COTL1: variants seen among roughly 807,000 people sequenced by gnomAD.
The protein encoded by COTL1 is coactosin like F-actin binding protein 1.
A neutral mutation model predicts 16.5 loss-of-function variants in COTL1; 15 were observed. The observed-to-expected ratio is 0.91, with a 90% CI of 0.61 to 1.40. The LOEUF is 1.40. Ranked by LOEUF, COTL1 falls within the 40% of genes most tolerant of loss-of-function variation. The pLI is 0.00. For synonymous variants in COTL1, 112 were observed against 85.3 expected (o/e 1.31, Z -1.73); for missense variants, 220 against 201.5 (o/e 1.09, Z -0.56).
Position 84,610,251 on chromosome 16 carries a change from T to C in COTL1, c.160+7250A>G, listed in dbSNP as rs1428905753. Among the ~76,000 whole-genome samples, 7 of 152,204 alleles carry C rather than the reference T, an allele frequency of 4.6e-5. 1 individual carries two copies. The highest frequency in any genetic ancestry group is 6.3e-3 in the Middle Eastern group (2 of 316). ...CTGGAGACTATGGCCAGGACTCTTTTAGATGGAAACTAAATCCAGAACCCA... is the reference window on the plus strand; with the variant it reads ...CTGGAGACTATGGCCAGGACTCTTTCAGATGGAAACTAAATCCAGAACCCA... On this transcript the variant is annotated intron_variant, in intron 2 of 3. Coordinates refer to ENST00000262428, the MANE Select transcript of COTL1 (RefSeq NM_021149.5).
chr16:84,587,195 A>G (rs936610462), intron 3 of COTL1, among the ~76,000 whole-genome samples: 1 of 152,212 alleles, frequency 6.6e-6, no homozygotes. Context: ...TTTCCAAAAC[A>G]AGGGCTCCCA....
At chr16:84,568,126 T>C (rs562909297) in intron 3 of COTL1, 178 of 152,330 alleles carry the variant, frequency 1.2e-3, no homozygotes, top group Non-Finnish European at 2.3e-3. Flanking sequence ...GCCTCCCAAG[T>C]AGCTCGAACT....
At position 84,589,070 on chromosome 16, in the gene COTL1, C is replaced by A. The variant is rs551958619; in HGVS notation, c.318+1035G>T. ...ACTGCACCCTTGACCTCCTGGTTTC[C>A]AGCGAACCTCCCGCCTCAGCCTCCC... On this transcript the variant is annotated intron_variant, in intron 3 of 3. Transcript: ENST00000262428. Among the ~76,000 whole-genome samples, 3 of 151,602 alleles carry A rather than the reference C, an allele frequency of 2.0e-5. No homozygotes were observed. In the East Asian group the frequency reaches 5.9e-4, roughly 30 times the overall value.
intron 2 of COTL1, among the ~76,000 whole-genome samples, chr16:84,613,259 C>G (rs1027442937): frequency 2.0e-5 from 3 of 152,138 alleles, no homozygotes; most frequent in African/African-American, 7.2e-5. Flanking sequence ...CTTGGCCTCC[C>G]AAAGTGCCGG....
At chr16:84,610,627 A>G (rs900107422) in intron 2 of COTL1, among the ~76,000 whole-genome samples, 3 of 152,208 alleles carry the variant, frequency 2.0e-5, no homozygotes, top group African/African-American at 7.2e-5. Flanking sequence ...CTCTGATTGG[A>G]CAGGTCTGGG....
At chr16:84,582,783 T>C (rs1473442610) in intron 3 of COTL1, among the ~76,000 whole-genome samples, 1 of 152,186 alleles carries the variant, frequency 6.6e-6, no homozygotes. Context: ...ATTCTCTTTT[T>C]CCTAAGTGAA....
In COTL1 at chr16:84,567,205, C is replaced by T. The variant is rs181786991; in HGVS notation, c.319-250G>A. The stretch of plus-strand genomic sequence containing the variant: ...GGGCAGATCTGATGCTGCGTCTTCC[C>T]ATGTCCGTGGGGATGGCCCGAGGAA... On this transcript the variant is annotated intron_variant, in intron 3 of 3. Coordinates refer to ENST00000262428, the MANE Select transcript of COTL1 (RefSeq NM_021149.5). 4 of 412,276 alleles carry T rather than the reference C, an allele frequency of 9.7e-6. No individual in the cohort carries two copies. In the Admixed American group the frequency reaches 1.6e-4, roughly 16 times the overall value. 25.5% of individuals were successfully genotyped at this position (412,276 alleles called of 1,614,324 possible). A position where few individuals can be genotyped will look rare whatever the true frequency, so the allele number is the denominator to read the frequency against.
chr16:84,582,344 A>G (rs1904619040), intron 3 of COTL1, among the ~76,000 whole-genome samples: 2 of 150,956 alleles, frequency 1.3e-5, no homozygotes, highest in African/African-American at 2.4e-5. Context: ...CAGTCTCACA[A>G]TGTTGCCCAG....
At chr16:84,606,013 A>G (rs976969608) in intron 2 of COTL1, among the ~76,000 whole-genome samples, 4 of 152,248 alleles carry the variant, frequency 2.6e-5, no homozygotes, top group African/African-American at 9.6e-5. Context: ...GTGCATGAAG[A>G]AAAGCGTGAT....
chr16:84,590,252 C>G lies in COTL1; in HGVS notation c.171G>C (p.Arg57=). The G allele has an allele frequency of 6.2e-7, 1 of 1,613,998 alleles. No homozygotes were observed. Among genetic ancestry groups the G allele is most frequent in the Non-Finnish European group, 8.5e-7 (1 of 1,179,872 alleles). ...TGGTGAAGCGCACGAAGGCAAACAA[C>G]CGGACGTCATCTGTGGCCAAAAGCG... ...HFIQQCTDDV[R]LFAFVRFTTG... Residue 57 remains arginine, a synonymous_variant, in exon 3 of 4, where the codon CGG becomes CGC. Coordinates refer to ENST00000262428, the MANE Select transcript of COTL1 (RefSeq NM_021149.5). The surrounding 1 kb of genome is among the most constrained non-coding windows in gnomAD (Gnocchi z 5.5).
At chr16:84,601,395 G>A (rs965664908) in intron 2 of COTL1, among the ~76,000 whole-genome samples, 20 of 152,210 alleles carry the variant, frequency 1.3e-4, no homozygotes, top group African/African-American at 4.1e-4. Flanking sequence ...AAGGAAATCC[G>A]CTCTGCCTGG....
At chr16:84,607,491 G>C (rs918630967) in intron 2 of COTL1, among the ~76,000 whole-genome samples, 5 of 152,168 alleles carry the variant, frequency 3.3e-5, no homozygotes, top group African/African-American at 1.2e-4. Flanking sequence ...ATTTCTACTT[G>C]TGGGTGTCAC....
rs71390483 is a variant in COTL1, at chr16:84,618,050, A to G, written c.-136T>C. ...GTGGCGACGGCTACGCGGCGCCTGC[A>G]AGCTGCGAGCGCGGCGGCGGCTTCC... is the stretch of plus-strand genomic sequence containing the variant. On this transcript the variant is annotated 5_prime_UTR_variant, in exon 1 of 4. Transcript: ENST00000262428. The G allele has an allele frequency of 1, 293,488 of 293,540 alleles. 146,718 individuals are homozygous for G. Among genetic ancestry groups the G allele is most frequent in the Middle Eastern group, 1 (670 of 670 alleles). The allele number at this position is 293,540 out of a possible 1,614,324, so 18.2% of individuals were successfully genotyped here.
At chr16:84,607,976 A>C (rs1424750751) in intron 2 of COTL1, among the ~76,000 whole-genome samples, 1 of 152,224 alleles carries the variant, frequency 6.6e-6, no homozygotes, top group Non-Finnish European at 1.5e-5. Context: ...AAGGAGAACT[A>C]GGCAAGTCTA....
chr16:84,609,076 A>C (rs910512942), intron 2 of COTL1, among the ~76,000 whole-genome samples: 10 of 152,150 alleles, frequency 6.6e-5, no homozygotes, highest in African/African-American at 2.2e-4. Flanking sequence ...AGACCTTAGG[A>C]AAGAAAGCAA....
chr16:84,590,367 C>T lies in COTL1; in HGVS notation c.161-105G>A. 1 of 1,372,472 alleles carries T rather than the reference C, an allele frequency of 7.3e-7. No homozygotes were observed. The highest frequency in any genetic ancestry group is 1.3e-5 in the South Asian group (1 of 74,886). The allele number at this position is 1,372,472 out of a possible 1,614,324, so 85.0% of individuals were successfully genotyped here. A position where few individuals can be genotyped will look rare whatever the true frequency, so the allele number is the denominator to read the frequency against. Reference sequence around the variant, plus strand: ...CACGAGTGCGCCTGGAGCAGCACAGCAGGAGACCGGTGCAGTTCCCTGGGA... The same window carrying T: ...CACGAGTGCGCCTGGAGCAGCACAGTAGGAGACCGGTGCAGTTCCCTGGGA... On this transcript the variant is annotated intron_variant, in intron 2 of 3. Transcript: ENST00000262428. The surrounding 1 kb of genome is among the most constrained non-coding windows in gnomAD (Gnocchi z 5.5).
chr16:84,604,039 C>T (rs1220265002), intron 2 of COTL1, among the ~76,000 whole-genome samples: 2 of 134,128 alleles, frequency 1.5e-5, no homozygotes, highest in Admixed American at 7.6e-5. Flanking sequence ...CCCGCAACTC[C>T]CCTCTCCCTC....
intron 3 of COTL1, among the ~76,000 whole-genome samples, chr16:84,571,499 G>A (rs934381026): frequency 6.6e-6 from 1 of 152,112 alleles, no homozygotes; most frequent in African/African-American, 2.4e-5. Context: ...TTGCACCTGG[G>A]TCCGCTCATC....
intron 3 of COTL1, among the ~76,000 whole-genome samples, chr16:84,569,542 T>C (rs1294387118): frequency 6.6e-6 from 1 of 152,140 alleles, no homozygotes; most frequent in Non-Finnish European, 1.5e-5. Flanking sequence ...AAGCAGCTGA[T>C]GTGTGCCAGG....
Sources: gnomAD v4.1 joint callset for allele counts (sites outside exome capture counted in the v4.1 genomes callset) on GRCh38, gnomAD v4.1.1 for gene constraint, Gnocchi (gnomAD v3.1) non-coding constraint, MANE v1.5 for transcripts, NCBI Gene and HGNC (gene_info 2026-07-23, HGNC 2026-07-21) for gene names.